Variants in STRN observed in about 807,000 individuals in gnomAD.
The protein encoded by STRN is protein phosphatase 2 regulatory subunit B'''alpha.
In STRN, 53 loss-of-function variants were observed where a neutral mutation model predicts 96.3. The ratio of observed to expected loss-of-function variants is 0.55; its 90% CI spans 0.44 to 0.69. The LOEUF is 0.69. Ranked by LOEUF, STRN falls within the 30% of genes least tolerant of loss-of-function variation. STRN has a pLI of 0.00. For synonymous variants in STRN, 428 were observed against 355.9 expected, an observed-to-expected ratio of 1.20 and a Z score of -2.28; for missense variants, 987 against 963.9, an observed-to-expected ratio of 1.02 and a Z score of -0.32.
intron 10 of STRN, among the ~76,000 whole-genome samples, chr2:36,877,523 A>G (rs1400355486): frequency 6.6e-6 from 1 of 152,160 alleles, no homozygotes; most frequent in African/African-American, 2.4e-5. Flanking sequence ...ATTTTCTATA[A>G]AATCAACTTT....
intron 5 of STRN, among the ~76,000 whole-genome samples, chr2:36,900,685 T>C (rs996608477): frequency 1.9e-4 from 29 of 152,200 alleles, no homozygotes; most frequent in Admixed American, 1.8e-3. Flanking sequence ...GGTCAAGAGA[T>C]TGAGACCATC....
At chr2:36,914,009 G>A (rs1017010875) in intron 3 of STRN, among the ~76,000 whole-genome samples, 2 of 152,034 alleles carry the variant, frequency 1.3e-5, no homozygotes, top group Admixed American at 1.3e-4. Flanking sequence ...TTAAGAGACA[G>A]GATCTCACTC....
chr2:36,917,656 C>T (rs77496205), intron 2 of STRN, among the ~76,000 whole-genome samples: 4,234 of 149,914 alleles, frequency 0.028, 89 homozygotes, highest in African/African-American at 0.066. Context: ...GCAGTCACAA[C>T]AGAAAAAAAA....
chr2:36,853,448 T>C (rs1022840592), intron 15 of STRN, among the ~76,000 whole-genome samples: 14 of 152,174 alleles, frequency 9.2e-5, no homozygotes, highest in African/African-American at 2.9e-4. Context: ...ATAAATATGA[T>C]TGAAATCAAA....
rs577728287 is a variant in STRN, at chr2:36,842,918, G to T, written c.*6538C>A. ...GTTAAAAGGTATGCTTGACTCCCAA[G>T]GTGTTCTGGGAATATTTTATGTGCC... On this transcript the variant is annotated 3_prime_UTR_variant, in exon 18 of 18. Transcript: ENST00000263918. 6.6e-6 allele frequency among the ~76,000 whole-genome samples: 1 copy of T among 152,070 alleles called. No homozygotes were observed. Among genetic ancestry groups the T allele is most frequent in the African/African-American group, 2.4e-5 (1 of 41,390 alleles).
chr2:36,838,798 A>G lies in STRN; in HGVS notation c.*10658T>C, dbSNP rs1667878952. 6.6e-6 allele frequency among the ~76,000 whole-genome samples: 1 copy of G among 152,248 alleles called. No homozygotes were observed. Among genetic ancestry groups the G allele is most frequent in the African/African-American group, 2.4e-5 (1 of 41,474 alleles). ...TGTTTATTGTAATAATAAAAAGGAA[A>G]TAAGAGCTATGATAGACTTAGAGAA... On this transcript the variant is annotated 3_prime_UTR_variant, in exon 18 of 18. Coordinates refer to ENST00000263918, the MANE Select transcript of STRN (RefSeq NM_003162.4).
intron 15 of STRN, among the ~76,000 whole-genome samples, chr2:36,854,875 T>TA (rs1668305595): frequency 6.6e-6 from 1 of 152,192 alleles, no homozygotes; most frequent in East Asian, 1.9e-4. Context: ...TAAGTTGATT[T>TA]AAAATATGAA....
chr2:36,865,912 C>T (rs1337840528), intron 12 of STRN, among the ~76,000 whole-genome samples: 2 of 152,118 alleles, frequency 1.3e-5, no homozygotes, highest in Non-Finnish European at 2.9e-5. Context: ...CCTCTCAACA[C>T]AGAATTTCCC....
rs530150811 is a variant in STRN at position 36,855,332 on chromosome 2, C to A, written c.1858G>T (p.Val620Leu). The change falls in exon 15 of 18, where the codon GTG becomes TTG. Residue 620 changes from valine (V) to leucine (L), a missense_variant. Transcript: ENST00000263918. Reference protein sequence around the residue: ...DTKELGIPASVDLVSSDPSHM... With the variant: ...DTKELGIPASLDLVSSDPSHM... ...CTCGGGTCACTGCTCACTAGATCCA[C>A]AGAGGCAGGGATTCCCAGTTCTGAA... is the stretch of plus-strand genomic sequence containing the variant. 4.0e-5 allele frequency: 64 copies of A among 1,613,300 alleles called. 2 individuals carry two copies. In the East Asian group the frequency reaches 1.4e-3, roughly 36 times the overall value.
In STRN at chr2:36,902,751, C is replaced by T. The variant is rs777397977; in HGVS notation, c.492G>A (p.Gln164=). ...MWKQGRQLLR[Q]YLQEVGYTDT... ...CTGTATAACCCACCTCCTGTAGATACCTGTGTGAAGAGAATCCTTAGAGTT... is the reference window on the plus strand; with the variant it reads ...CTGTATAACCCACCTCCTGTAGATATCTGTGTGAAGAGAATCCTTAGAGTT... Residue 164 remains glutamine, a splice_region_variant and synonymous_variant, in exon 5 of 18, where the codon CAG becomes CAA. Transcript: ENST00000263918. 1 of 1,598,674 alleles carries T rather than the reference C, an allele frequency of 6.3e-7. No homozygotes were observed. The highest frequency in any genetic ancestry group is 2.3e-5 in the East Asian group (1 of 44,388).
chr2:36,889,364 G>A (rs1264650011), intron 7 of STRN, among the ~76,000 whole-genome samples: 3 of 151,714 alleles, frequency 2.0e-5, no homozygotes, highest in East Asian at 1.9e-4. Flanking sequence ...CTATCAATAG[G>A]AGAAACATTC....
At chr2:36,930,668 A>G (rs1471560438) in intron 1 of STRN, among the ~76,000 whole-genome samples, 11 of 152,090 alleles carry the variant, frequency 7.2e-5, no homozygotes, top group Admixed American at 7.2e-4. Flanking sequence ...CACAGTTAGG[A>G]GGCCAAAAAC....
At chr2:36,877,849 T>C in intron 10 of STRN, 42 bp downstream of exon 10, 1 of 1,608,034 alleles carries the variant, frequency 6.2e-7, no homozygotes, top group Non-Finnish European at 8.5e-7. Flanking sequence ...TTTTTGTTTT[T>C]AAAAACCAAG....
At chr2:36,937,901 TAGTAA>T (rs1670747324) in intron 1 of STRN, among the ~76,000 whole-genome samples, 1 of 151,992 alleles carries the variant, frequency 6.6e-6, no homozygotes, top group East Asian at 1.9e-4. Flanking sequence ...ACTTCATTAC[TAGTAA>T]ATAGTTCTAT....
intron 3 of STRN, among the ~76,000 whole-genome samples, chr2:36,915,699 T>G (rs1028426622): frequency 6.6e-6 from 1 of 152,216 alleles, no homozygotes; most frequent in African/African-American, 2.4e-5. Context: ...ATCTCTTACC[T>G]CCATATTTCC....
intron 1 of STRN, 126 bp downstream of exon 1, chr2:36,966,104 G>GT (rs1665152544): frequency 1.7e-6 from 2 of 1,153,234 alleles, no homozygotes; most frequent in Non-Finnish European, 2.3e-6. Context: ...GGGGCTCCGG[G>GT]TGGGATGGGC....
At chr2:36,939,014 T>C (rs1409828577) in intron 1 of STRN, among the ~76,000 whole-genome samples, 2 of 152,030 alleles carry the variant, frequency 1.3e-5, no homozygotes, top group South Asian at 2.1e-4. Context: ...TGAGACTGAG[T>C]CTTGCTCTGT....
intron 2 of STRN, among the ~76,000 whole-genome samples, chr2:36,923,456 A>C (rs1349392685): frequency 2.0e-5 from 3 of 151,928 alleles, no homozygotes; most frequent in Non-Finnish European, 2.9e-5. Flanking sequence ...AAAAAAAAAA[A>C]AAAAAAAACA....
At chr2:36,869,228 T>C (rs1199951894) in intron 11 of STRN, among the ~76,000 whole-genome samples, 1 of 152,216 alleles carries the variant, frequency 6.6e-6, no homozygotes, top group African/African-American at 2.4e-5. Flanking sequence ...TGCATATACC[T>C]GTTTACAAGA....
Sources: gnomAD v4.1 joint callset for allele counts (sites outside exome capture counted in the v4.1 genomes callset) on GRCh38, gnomAD v4.1.1 for gene constraint, MANE v1.5 for transcripts, NCBI Gene and HGNC (gene_info 2026-07-23, HGNC 2026-07-21) for gene names.